MDGA2: variants seen among roughly 807,000 people sequenced by gnomAD.
MDGA2 encodes MAM domain containing glycosylphosphatidylinositol anchor 2, also known as MAM domain-containing glycosylphosphatidylinositol anchor protein 2.
A neutral mutation model predicts 117.8 loss-of-function variants in MDGA2; 40 were observed. That is an observed-to-expected ratio of 0.34 (90% CI 0.26 to 0.44). The LOEUF (loss-of-function observed/expected upper bound fraction) is 0.44, where lower values mean the gene tolerates loss of function less well. Ranked by LOEUF, MDGA2 falls within the 20% of genes least tolerant of loss-of-function variation. The pLI is 1.00. For missense variants in MDGA2, 1,123 were observed against 1,250.6 expected, an observed-to-expected ratio of 0.90 and a Z score of 1.54; for synonymous variants, 452 against 439.0, an observed-to-expected ratio of 1.03 and a Z score of -0.37.
chr14:47,635,129 G>A (rs12436936), intron 1 of MDGA2, among the ~76,000 whole-genome samples: 45,329 of 151,792 alleles, frequency 0.3, 7,296 homozygotes, highest in South Asian at 0.46. Context: ...ATATTTATGA[G>A]TTGTATCATC....
intron 1 of MDGA2, among the ~76,000 whole-genome samples, chr14:47,356,921 C>T (rs1396432339): frequency 3.9e-5 from 6 of 152,160 alleles, no homozygotes; most frequent in Non-Finnish European, 8.8e-5. Flanking sequence ...AGATAAACAA[C>T]CCCCTGCATA....
At chr14:47,089,622 C>CT (rs1566617572) in intron 6 of MDGA2, among the ~76,000 whole-genome samples, 1 of 151,798 alleles carries the variant, frequency 6.6e-6, no homozygotes, top group Non-Finnish European at 1.5e-5. Flanking sequence ...TTTTATTATA[C>CT]TTTAAGTTCT....
chr14:47,151,344 A>G (rs952650184), intron 3 of MDGA2, among the ~76,000 whole-genome samples: 1 of 152,208 alleles, frequency 6.6e-6, no homozygotes, highest in Non-Finnish European at 1.5e-5. Context: ...GCTGAGGACA[A>G]CTCCATTAGA....
At chr14:47,127,112 T>G (rs1002787523) in intron 5 of MDGA2, among the ~76,000 whole-genome samples, 3 of 152,134 alleles carry the variant, frequency 2.0e-5, no homozygotes, top group Non-Finnish European at 4.4e-5. Context: ...CATATTACAA[T>G]ATGTATAATT....
chr14:47,273,684 TAG>T (rs1029017916), intron 2 of MDGA2, among the ~76,000 whole-genome samples: 5 of 152,098 alleles, frequency 3.3e-5, no homozygotes. Context: ...TTCAAACATT[TAG>T]AGAGAGATTT....
At position 46,841,342 on chromosome 14, in the gene MDGA2, G is replaced by A. The variant is rs1233630871; in HGVS notation, c.*589C>T. ...AATAATAAAGGTGGGATGGGGATAA[G>A]GTGGGGAGAAACATGAATGCTTTAA... On this transcript the variant is annotated 3_prime_UTR_variant, in exon 17 of 17. Coordinates refer to ENST00000399232, the MANE Select transcript of MDGA2 (RefSeq NM_001113498.3). 6.6e-6 allele frequency: 1 copy of A among 152,632 alleles called. No individual in the cohort carries two copies. Among genetic ancestry groups the A allele is most frequent in the Non-Finnish European group, 1.5e-5 (1 of 68,106 alleles). The allele number at this position is 152,632 out of a possible 1,614,324, so 9.5% of individuals were successfully genotyped here. A position where few individuals can be genotyped will look rare whatever the true frequency, so the allele number is the denominator to read the frequency against.
intron 3 of MDGA2, among the ~76,000 whole-genome samples, chr14:47,213,674 A>G (rs1211622268): frequency 6.6e-6 from 1 of 152,050 alleles, no homozygotes; most frequent in Admixed American, 6.6e-5. Context: ...CACTTTTAAT[A>G]TGTAAGAGCT....
At chr14:47,469,662 T>C (rs994246295) in intron 1 of MDGA2, among the ~76,000 whole-genome samples, 23 of 152,154 alleles carry the variant, frequency 1.5e-4, no homozygotes, top group African/African-American at 4.8e-4. Flanking sequence ...CCTTTGGGTA[T>C]ATACCCAGTA....
At chr14:46,891,846 T>C (rs1291172990) in intron 10 of MDGA2, among the ~76,000 whole-genome samples, 1 of 151,476 alleles carries the variant, frequency 6.6e-6, no homozygotes, top group African/African-American at 2.4e-5. Flanking sequence ...ATAAATATCA[T>C]AATAAATATT....
chr14:47,135,487 A>C (rs1277050257), intron 4 of MDGA2, among the ~76,000 whole-genome samples: 2 of 152,298 alleles, frequency 1.3e-5, no homozygotes, highest in African/African-American at 2.4e-5. Context: ...GCTAGCATAC[A>C]TTATAGGACA....
intron 1 of MDGA2, among the ~76,000 whole-genome samples, chr14:47,601,400 T>TAAA (rs374840795): frequency 2.6e-5 from 4 of 151,344 alleles, no homozygotes; most frequent in African/African-American, 9.7e-5. Flanking sequence ...CAAATTTTTT[T>TAAA]AAAAAAAAAT....
intron 1 of MDGA2, among the ~76,000 whole-genome samples, chr14:47,633,619 C>T (rs1897276177): frequency 6.6e-6 from 1 of 152,066 alleles, no homozygotes; most frequent in Admixed American, 6.6e-5. Flanking sequence ...TGAAGAATTC[C>T]AATACATCCC....
intron 1 of MDGA2, among the ~76,000 whole-genome samples, chr14:47,484,318 T>C (rs960336297): frequency 6.6e-6 from 1 of 152,154 alleles, no homozygotes; most frequent in Non-Finnish European, 1.5e-5. Flanking sequence ...TCAGTTTTCA[T>C]ACAAATATAG....
intron 2 of MDGA2, among the ~76,000 whole-genome samples, chr14:47,239,669 T>G: frequency 6.6e-6 from 1 of 151,880 alleles, no homozygotes; most frequent in Non-Finnish European, 1.5e-5. Flanking sequence ...TTCAATAAGA[T>G]AATGAATTTT....
chr14:47,232,273 T>C (rs1886717339), intron 2 of MDGA2, among the ~76,000 whole-genome samples: 1 of 152,012 alleles, frequency 6.6e-6, no homozygotes, highest in Non-Finnish European at 1.5e-5. Flanking sequence ...TAGGGCAGGC[T>C]TCTTAATCCT....
intron 9 of MDGA2, among the ~76,000 whole-genome samples, chr14:46,945,668 G>T (rs557177537): frequency 6.6e-6 from 1 of 151,940 alleles, no homozygotes; most frequent in Non-Finnish European, 1.5e-5. Context: ...ATCCATGCTC[G>T]GCTTGGAATC....
intron 1 of MDGA2, among the ~76,000 whole-genome samples, chr14:47,422,050 A>C (rs1892591470): frequency 6.6e-6 from 1 of 152,142 alleles, no homozygotes; most frequent in South Asian, 2.1e-4. Flanking sequence ...AAAATATAGA[A>C]GTGTGCTATG....
intron 1 of MDGA2, among the ~76,000 whole-genome samples, chr14:47,606,567 A>G (rs975280530): frequency 1.3e-5 from 2 of 152,164 alleles, no homozygotes; most frequent in Admixed American, 6.6e-5. Context: ...TCTTGGAATC[A>G]TGGCCTCCAG....
At chr14:47,010,053 A>G (rs1594522971) in intron 8 of MDGA2, among the ~76,000 whole-genome samples, 2 of 152,016 alleles carry the variant, frequency 1.3e-5, no homozygotes, top group African/African-American at 2.4e-5. Flanking sequence ...TCCTTCTACT[A>G]TGTAGGATTG....
Sources: gnomAD v4.1 joint callset for allele counts (sites outside exome capture counted in the v4.1 genomes callset) on GRCh38, gnomAD v4.1.1 for gene constraint, MANE v1.5 for transcripts, NCBI Gene and HGNC (gene_info 2026-07-23, HGNC 2026-07-21) for gene names.